Variants in PHF3 observed in about 807,000 individuals in gnomAD.
The protein encoded by PHF3 is PHD finger protein 3.
In PHF3, 41 loss-of-function variants were observed where a neutral mutation model predicts 178.4. The ratio of observed to expected loss-of-function variants is 0.23; its 90% CI spans 0.18 to 0.30. The LOEUF is 0.30. Ranked by LOEUF, PHF3 falls within the 10% of genes least tolerant of loss-of-function variation. The probability of loss-of-function intolerance (pLI) is 1.00; values close to 1 mark genes in which losing one functional copy is unlikely to be tolerated. For synonymous variants in PHF3, 842 were observed against 800.5 expected, an observed-to-expected ratio of 1.05 and a Z score of -0.88; for missense variants, 2,346 against 2,398.1, an observed-to-expected ratio of 0.98 and a Z score of 0.45.
Position 63,706,304 on chromosome 6 carries a change from A to G in PHF3, c.3563+80A>G, listed in dbSNP as rs1261329128. ...ATACTTGCAAGTCTTCAAAAACAGA[A>G]AAGTGACATTTTGGGAACCTCTCAT... On this transcript the variant is annotated intron_variant, in intron 12 of 15. Transcript: ENST00000262043. 12 of 1,114,584 alleles carry G rather than the reference A, an allele frequency of 1.1e-5. No individual in the cohort carries two copies. The Admixed American group carries it at 2.6e-4, about 24-fold the overall frequency. The allele number at this position is 1,114,584 out of a possible 1,614,324, so 69.0% of individuals were successfully genotyped here. A position where few individuals can be genotyped will look rare whatever the true frequency, so the allele number is the denominator to read the frequency against.
At position 63,706,147 on chromosome 6, in the gene PHF3, C is replaced by T; in HGVS notation, c.3486C>T (p.Thr1162=). Residue 1162 remains threonine (T), a synonymous_variant, in exon 12 of 16, where the codon ACC becomes ACT. Coordinates refer to ENST00000262043, the MANE Select transcript of PHF3 (RefSeq NM_001370348.2). The part of the protein sequence containing the change: ...AESIADALSS[T]SNILASEFFE... ...GTATAGCAGATGCATTATCTTCAACCTCAAATATTTTGGCTTCTGAATTCT... is the reference window on the plus strand; with the variant it reads ...GTATAGCAGATGCATTATCTTCAACTTCAAATATTTTGGCTTCTGAATTCT... 6.2e-7 allele frequency: 1 copy of T among 1,613,994 alleles called. No individual in the cohort carries two copies. Among genetic ancestry groups the T allele is most frequent in the Non-Finnish European group, 8.5e-7 (1 of 1,179,916 alleles).
In PHF3 at chr6:63,721,390, A is replaced by G; in HGVS notation, c.*7682A>G. On this transcript the variant is annotated 3_prime_UTR_variant, in exon 16 of 16. Coordinates refer to ENST00000262043, the MANE Select transcript of PHF3 (RefSeq NM_001370348.2). ...TCACCTCCATTTCTGCATGTGTTGT[A>G]CCCACAGGCTGTCCCATCACAGTCA... 6.4e-7 allele frequency: 1 copy of G among 1,551,636 alleles called. No individual in the cohort carries two copies. Among genetic ancestry groups the G allele is most frequent in the South Asian group, 1.2e-5 (1 of 84,054 alleles).
At chr6:63,711,509 A>G in intron 15 of PHF3, 77 bp from the exon 16 acceptor site, 1 of 1,398,570 alleles carries the variant, frequency 7.2e-7, no homozygotes, top group South Asian at 1.4e-5. Flanking sequence ...ATCCTGTAAT[A>G]AGTTAGAGGC....
chr6:63,638,129 A>G (rs936120947), intron 1 of PHF3, among the ~76,000 whole-genome samples: 4 of 152,142 alleles, frequency 2.6e-5, no homozygotes, highest in African/African-American at 7.2e-5. Context: ...CAAGATAGAA[A>G]AATCGAAAGG....
chr6:63,713,626 G>A lies in PHF3; in HGVS notation c.6038G>A (p.Ser2013Asn). The change falls in exon 16 of 16, where the codon AGT becomes AAT. Residue 2013 changes from serine (S) to asparagine (N), a missense_variant. Ser to Asn is a conservative substitution (Grantham distance 46). Coordinates refer to ENST00000262043, the MANE Select transcript of PHF3 (RefSeq NM_001370348.2). ...GAGAAGGACAAAGAACGAGAGAAAA[G>A]TAAACACAGAGAAGGAGAAAAGGAC... ...DYEKDKEREK[S>N]KHREGEKDRD... The A allele has an allele frequency of 3.7e-6, 6 of 1,612,958 alleles. No individual in the cohort carries two copies. Among genetic ancestry groups the A allele is most frequent in the South Asian group, 1.1e-5 (1 of 90,968 alleles).
intron 3 of PHF3, among the ~76,000 whole-genome samples, chr6:63,680,438 G>C (rs138229108): frequency 7.8e-6 from 1 of 128,810 alleles, no homozygotes; most frequent in South Asian, 2.4e-4. Context: ...TACCTTTATA[G>C]CTCTAGGTAA....
At chr6:63,677,693 A>G (rs950044492) in intron 2 of PHF3, among the ~76,000 whole-genome samples, 2 of 152,186 alleles carry the variant, frequency 1.3e-5, no homozygotes, top group African/African-American at 4.8e-5. Flanking sequence ...TGCTCATTAT[A>G]GAAAACTTGG....
chr6:63,659,660 T>A (rs147633996), intron 2 of PHF3, among the ~76,000 whole-genome samples: 1 of 152,322 alleles, frequency 6.6e-6, no homozygotes, highest in Non-Finnish European at 1.5e-5. Context: ...TTGGATTTTA[T>A]TTTTTGGTAT....
At chr6:63,709,513 C>T (rs1041475804) in intron 14 of PHF3, among the ~76,000 whole-genome samples, 4 of 151,938 alleles carry the variant, frequency 2.6e-5, no homozygotes, top group Admixed American at 6.6e-5. Context: ...GAAATTCACC[C>T]TGGAATTTTG....
At chr6:63,637,704 CAG>C (rs1231306120) in intron 1 of PHF3, among the ~76,000 whole-genome samples, 1 of 152,042 alleles carries the variant, frequency 6.6e-6, no homozygotes, top group East Asian at 1.9e-4. Flanking sequence ...GTGATAGTAG[CAG>C]AGTTTAGTGG....
chr6:63,706,032 G>T lies in PHF3; in HGVS notation c.3371G>T (p.Arg1124Leu). The T allele has an allele frequency of 6.2e-7, 1 of 1,609,912 alleles. No individual in the cohort carries two copies. The highest frequency in any genetic ancestry group is 8.5e-7 in the Non-Finnish European group (1 of 1,178,636). The change falls in exon 12 of 16, where the codon CGA (arginine) becomes CTA (leucine). Residue 1124 changes from arginine to leucine, a missense_variant. Around this residue, in one of 8 missense-constraint regions of PHF3, gnomAD observed 205 missense variants for 212.4 expected, o/e 0.97. Coordinates refer to ENST00000262043, the MANE Select transcript of PHF3 (RefSeq NM_001370348.2). Reference sequence around the variant, plus strand: ...TTTTGATGTATTCTGGGCTTAGGTCGAATGGCACCACCTGTAGATGATCTT... The same window carrying T: ...TTTTGATGTATTCTGGGCTTAGGTCTAATGGCACCACCTGTAGATGATCTT... ...FDLNCKICIG[R>L]MAPPVDDLSP...
intron 2 of PHF3, among the ~76,000 whole-genome samples, chr6:63,673,329 T>A (rs1341703046): frequency 6.6e-6 from 1 of 152,008 alleles, no homozygotes; most frequent in African/African-American, 2.4e-5. Flanking sequence ...GCAGAAAAAA[T>A]ATCCCAAAGT....
chr6:63,641,265 G>A (rs899590292), intron 1 of PHF3, among the ~76,000 whole-genome samples: 3 of 152,146 alleles, frequency 2.0e-5, no homozygotes, highest in African/African-American at 7.2e-5. Context: ...TACCTCACTT[G>A]AGATTTTGGT....
rs573807673 is a variant in PHF3, at chr6:63,650,236, A to G, written c.244+3441A>G. Reference sequence around the variant, plus strand: ...CTACTGTAGGTTACTACTTGCAGCTACTGCATCCTTCAGTGAAACCAAGAT... The same window carrying G: ...CTACTGTAGGTTACTACTTGCAGCTGCTGCATCCTTCAGTGAAACCAAGAT... On this transcript the variant is annotated intron_variant, in intron 2 of 15. Coordinates refer to ENST00000262043, the MANE Select transcript of PHF3 (RefSeq NM_001370348.2). Among the ~76,000 whole-genome samples, 5 of 152,294 alleles carry G rather than the reference A, an allele frequency of 3.3e-5. No homozygotes were observed. In the East Asian group the frequency reaches 7.7e-4, roughly 23 times the overall value.
At chr6:63,663,918 A>G (rs758045243) in intron 2 of PHF3, among the ~76,000 whole-genome samples, 1 of 152,168 alleles carries the variant, frequency 6.6e-6, no homozygotes, top group Non-Finnish European at 1.5e-5. Context: ...TATCTCCTTC[A>G]TTTAAAATTG....
intron 2 of PHF3, 143 bp from the exon 3 acceptor site, chr6:63,679,857 C>G (rs1561960088): frequency 2.7e-6 from 2 of 737,990 alleles, no homozygotes; most frequent in Non-Finnish European, 2.4e-6. Flanking sequence ...GGCAATTTCA[C>G]ATGTTAGAAA....
intron 2 of PHF3, among the ~76,000 whole-genome samples, chr6:63,651,965 G>T (rs991470572): frequency 6.6e-6 from 1 of 152,088 alleles, no homozygotes; most frequent in African/African-American, 2.4e-5. Context: ...AGACACTTAG[G>T]TCGATTTCGT....
Position 63,685,415 on chromosome 6 carries a change from G to T in PHF3, c.1693G>T (p.Val565Phe). ...AAAGATTCAGAGTTGCAATTCTGGG[G>T]TTAAATCTGTGAAAAACCAAGCTCA... ...EPKIQSCNSG[V>F]KSVKNQAHSV... Residue 565 changes from valine (V) to phenylalanine (F), a missense_variant, in exon 4 of 16, where the codon GTT becomes TTT. This residue lies in a region of PHF3 where 843 missense variants were observed against 795.2 expected (regional missense o/e 1.06). Coordinates refer to ENST00000262043, the MANE Select transcript of PHF3 (RefSeq NM_001370348.2). 1 of 1,613,928 alleles carries T rather than the reference G, an allele frequency of 6.2e-7. No individual in the cohort carries two copies. The highest frequency in any genetic ancestry group is 1.1e-5 in the South Asian group (1 of 91,062).
At position 63,720,971 on chromosome 6, in the gene PHF3, T is replaced by C. The variant is rs898622662; in HGVS notation, c.*7263T>C. 4 of 1,551,306 alleles carry C rather than the reference T, an allele frequency of 2.6e-6. No individual in the cohort carries two copies. The highest frequency in any genetic ancestry group is 3.5e-6 in the Non-Finnish European group (4 of 1,146,808). On this transcript the variant is annotated 3_prime_UTR_variant, in exon 16 of 16. Coordinates refer to ENST00000262043, the MANE Select transcript of PHF3 (RefSeq NM_001370348.2). ...AGATTCTTTCTCCCAAGTTAACTGC[T>C]ATTTTCAAGGTCTGATTATGGAGAC...
Sources: gnomAD v4.1 joint callset for allele counts (sites outside exome capture counted in the v4.1 genomes callset) on GRCh38, gnomAD v4.1.1 for gene constraint, gnomAD v4.1.1 regional missense constraint, MANE v1.5 for transcripts, NCBI Gene and HGNC (gene_info 2026-07-23, HGNC 2026-07-21) for gene names.